The following LAMA2 variants were observed in gnomAD, a reference collection of about 807,000 sequenced individuals.
LAMA2 encodes laminin subunit alpha-2.
A neutral mutation model predicts 364.8 loss-of-function variants in LAMA2; 269 were observed. That is an observed-to-expected ratio of 0.74 (90% CI 0.67 to 0.82). The LOEUF is 0.82. Ranked by LOEUF, LAMA2 falls within the 40% of genes least tolerant of loss-of-function variation. LAMA2 has a pLI of 0.00. For missense variants in LAMA2, 3,807 were observed against 3,873.2 expected (o/e 0.98, Z 0.45); for synonymous variants, 1,379 against 1,370.6 (o/e 1.01, Z -0.14).
intron 37 of LAMA2, among the ~76,000 whole-genome samples, chr6:129,394,022 TA>T (rs1424181686): frequency 3.3e-5 from 5 of 152,232 alleles, no homozygotes; most frequent in Admixed American, 1.3e-4. Flanking sequence ...GAACTAGAAC[TA>T]AAACAGATTC....
At chr6:129,169,220 G>A (rs1779971195) in intron 9 of LAMA2, among the ~76,000 whole-genome samples, 1 of 148,944 alleles carries the variant, frequency 6.7e-6, no homozygotes, top group African/African-American at 2.6e-5. Flanking sequence ...CGGTGAGAGA[G>A]GGCATCCCTG....
intron 40 of LAMA2, among the ~76,000 whole-genome samples, chr6:129,412,621 A>G (rs1425216902): frequency 2.6e-5 from 4 of 152,244 alleles, no homozygotes; most frequent in Admixed American, 2.0e-4. Context: ...TCCATATACA[A>G]CAATCAGGGT....
chr6:128,908,956 T>C (rs573472780), intron 1 of LAMA2, among the ~76,000 whole-genome samples: 4 of 147,456 alleles, frequency 2.7e-5, no homozygotes, highest in Non-Finnish European at 6.0e-5. Flanking sequence ...TTGAGTGAGA[T>C]TCTTAATCCT....
In LAMA2 at chr6:129,401,997, C is replaced by T. The variant is rs142660143; in HGVS notation, c.5563-327C>T. ...CCGAGGTGGGCAGACTGCCTGAGCTCGGGAGTTCAAAACCAGCCTGGGCAA... is the reference window on the plus strand; with the variant it reads ...CCGAGGTGGGCAGACTGCCTGAGCTTGGGAGTTCAAAACCAGCCTGGGCAA... On this transcript the variant is annotated intron_variant, in intron 38 of 64. Coordinates refer to ENST00000421865, the MANE Select transcript of LAMA2 (RefSeq NM_000426.4). Among the ~76,000 whole-genome samples the T allele has an allele frequency of 7.8e-3, 1,192 of 152,092 alleles. 12 individuals are homozygous for T. Among genetic ancestry groups the T allele is most frequent in the African/African-American group, 0.028 (1,145 of 41,468 alleles).
chr6:129,412,659 A>G (rs560230728), intron 40 of LAMA2, among the ~76,000 whole-genome samples: 2 of 152,284 alleles, frequency 1.3e-5, no homozygotes, highest in East Asian at 3.9e-4. Context: ...TCAAGAAATA[A>G]CCCCTGAAAT....
At chr6:129,204,611 C>A (rs923058981) in intron 12 of LAMA2, among the ~76,000 whole-genome samples, 1 of 152,156 alleles carries the variant, frequency 6.6e-6, no homozygotes, top group African/African-American at 2.4e-5. Context: ...AGGGAACTAA[C>A]CCTGCCGATA....
chr6:129,331,400 C>A (rs1775643667), intron 29 of LAMA2, among the ~76,000 whole-genome samples: 1 of 152,092 alleles, frequency 6.6e-6, no homozygotes, highest in Non-Finnish European at 1.5e-5. Context: ...CCCATCCTTA[C>A]CCTCAGTTGA....
At chr6:128,954,080 C>A (rs758746882) in intron 1 of LAMA2, among the ~76,000 whole-genome samples, 1 of 152,054 alleles carries the variant, frequency 6.6e-6, no homozygotes, top group Non-Finnish European at 1.5e-5. Flanking sequence ...AGACTTGAGT[C>A]CAGAAACTTG....
chr6:129,028,097 G>GA (rs1785960973), intron 1 of LAMA2, among the ~76,000 whole-genome samples: 1 of 151,776 alleles, frequency 6.6e-6, no homozygotes, highest in South Asian at 2.1e-4. Flanking sequence ...CGAAAAATGT[G>GA]AATTTAAAAC....
intron 64 of LAMA2, among the ~76,000 whole-genome samples, chr6:129,515,216 G>A (rs1786952672): frequency 6.6e-6 from 1 of 152,126 alleles, no homozygotes; most frequent in Admixed American, 6.5e-5. Flanking sequence ...TAATAACATA[G>A]CCTCCTGGAA....
chr6:128,931,780 T>G (rs897492549), intron 1 of LAMA2, among the ~76,000 whole-genome samples: 5 of 152,230 alleles, frequency 3.3e-5, no homozygotes, highest in African/African-American at 9.6e-5. Flanking sequence ...GTGGCTTCAG[T>G]TTTGACTTCA....
At chr6:129,298,275 A>G (rs1773331396) in intron 21 of LAMA2, among the ~76,000 whole-genome samples, 1 of 152,166 alleles carries the variant, frequency 6.6e-6, no homozygotes, top group African/African-American at 2.4e-5. Flanking sequence ...CGGATCAAGA[A>G]AAGTCAAGGT....
chr6:129,376,531 C>A (rs772444566), intron 34 of LAMA2, among the ~76,000 whole-genome samples: 3 of 152,144 alleles, frequency 2.0e-5, no homozygotes, highest in Non-Finnish European at 4.4e-5. Context: ...CCCTTAGGCT[C>A]GTAGGATAAA....
At chr6:129,464,149 A>G in intron 49 of LAMA2, 141 bp from the exon 50 acceptor site, 1 of 754,120 alleles carries the variant, frequency 1.3e-6, no homozygotes. Flanking sequence ...AGAGATGGAG[A>G]TAAGTGGAAG....
In LAMA2 at chr6:128,992,752, CTTTG is replaced by C. The variant is rs539400155; in HGVS notation, c.113-57158_113-57155del. Among the ~76,000 whole-genome samples the C allele has an allele frequency of 1.7e-4, 26 of 152,228 alleles. No individual in the cohort carries two copies. The South Asian group carries it at 5.4e-3, about 32-fold the overall frequency. ...AGACTAGGGTAGGAAGACACCAGCT[CTTTG>C]TTTGTTTTGTGCTTTGACATTTCAA... On this transcript the variant is annotated intron_variant, in intron 1 of 64. Transcript: ENST00000421865.
chr6:129,372,198 G>A (rs1422237497), intron 34 of LAMA2, among the ~76,000 whole-genome samples: 1 of 152,006 alleles, frequency 6.6e-6, no homozygotes, highest in South Asian at 2.1e-4. Flanking sequence ...TCTTGGTATT[G>A]TACATTCTAT....
chr6:129,257,239 G>C (rs1164858020), intron 14 of LAMA2, among the ~76,000 whole-genome samples: 1 of 152,046 alleles, frequency 6.6e-6, no homozygotes, highest in Non-Finnish European at 1.5e-5. Flanking sequence ...CCTTCTTCAT[G>C]AGTAACACTT....
chr6:129,508,454 C>T (rs985250649), intron 62 of LAMA2, among the ~76,000 whole-genome samples: 5 of 151,190 alleles, frequency 3.3e-5, no homozygotes, highest in Admixed American at 6.6e-5. Flanking sequence ...CTTGTGCTAG[C>T]AAATACTAAA....
intron 1 of LAMA2, among the ~76,000 whole-genome samples, chr6:128,958,557 T>G (rs962117735): frequency 1.3e-5 from 2 of 152,160 alleles, no homozygotes; most frequent in African/African-American, 4.8e-5. Flanking sequence ...TTATATTTAT[T>G]CTGCACCTTC....
Sources: allele counts gnomAD v4.1 joint callset (sites outside exome capture counted in the v4.1 genomes callset), GRCh38; gene constraint gnomAD v4.1.1; transcripts MANE v1.5; gene names NCBI Gene and HGNC (gene_info 2026-07-23, HGNC 2026-07-21).